ADGB: variants seen among roughly 807,000 people sequenced by gnomAD.
ADGB encodes the protein androglobin, also known as calpain-7-like protein.
ADGB carries 172 observed loss-of-function variants against 210.5 expected under a neutral mutation model. The observed-to-expected ratio is 0.82, with a 90% CI of 0.72 to 0.93. The LOEUF is 0.93. Ranked by LOEUF, ADGB falls within the 40% of genes least tolerant of loss-of-function variation. The pLI is 0.00. For synonymous variants in ADGB, 658 were observed against 662.7 expected (o/e 0.99, Z 0.11); for missense variants, 2,025 against 1,964.8 (o/e 1.03, Z -0.58).
chr6:146,790,077 A>G (rs1222379385), intron 33 of ADGB, among the ~76,000 whole-genome samples: 1 of 152,210 alleles, frequency 6.6e-6, no homozygotes, highest in Non-Finnish European at 1.5e-5. Flanking sequence ...ATAATTATAT[A>G]TATTTATGGG....
chr6:146,811,055 G>T (rs527771419), intron 35 of ADGB, among the ~76,000 whole-genome samples: 124 of 152,210 alleles, frequency 8.1e-4, no homozygotes, highest in African/African-American at 2.8e-3. Context: ...CTGCCCACTT[G>T]TATATGTAAT....
intron 13 of ADGB, among the ~76,000 whole-genome samples, chr6:146,712,184 G>GTT (rs112151598): frequency 0.098 from 14,631 of 149,926 alleles, 1,901 homozygotes; most frequent in African/African-American, 0.3. Context: ...GTTTTGTTTT[G>GTT]TTTTTTTTTG....
Position 146,764,038 on chromosome 6 carries a change from CT to C in ADGB, c.3690del (p.Val1231TrpfsTer42). ...VSAIQDIGLP[L>X]VEEETTSTPT... ...TGCAATACAAGACATTGGTCTACCC[CT>C]TGTGGAGGAGGAAACTACCAGTACA... On this transcript the variant is annotated frameshift_variant, in exon 28 of 36. Transcript: ENST00000397944. LOFTEE classifies it high-confidence loss of function. 6.4e-7 allele frequency: 1 copy of C among 1,551,398 alleles called. No individual in the cohort carries two copies. The highest frequency in any genetic ancestry group is 8.7e-7 in the Non-Finnish European group (1 of 1,146,800).
intron 13 of ADGB, among the ~76,000 whole-genome samples, chr6:146,705,950 G>A (rs781098977): frequency 1.6e-4 from 24 of 152,034 alleles, no homozygotes; most frequent in Non-Finnish European, 2.9e-4. Context: ...AAGATATAGG[G>A]TCTTTCCCTG....
chr6:146,613,029 G>A (rs1780735894), intron 1 of ADGB, among the ~76,000 whole-genome samples: 1 of 152,082 alleles, frequency 6.6e-6, no homozygotes, highest in Admixed American at 6.6e-5. Flanking sequence ...TCTCTTCCGT[G>A]CTAATAAAGT....
In ADGB at chr6:146,635,290, C is replaced by G. The variant is rs12199273; in HGVS notation, c.75-85C>G. The G allele has an allele frequency of 4.9e-3, 6,003 of 1,230,614 alleles. 37 individuals are homozygous for G. Among genetic ancestry groups the G allele is most frequent in the South Asian group, 0.022 (795 of 36,680 alleles). The allele number at this position is 1,230,614 out of a possible 1,614,324, so 76.2% of individuals were successfully genotyped here. A position where few individuals can be genotyped will look rare whatever the true frequency, so the allele number is the denominator to read the frequency against. On this transcript the variant is annotated intron_variant, in intron 1 of 35. Coordinates refer to ENST00000397944, the MANE Select transcript of ADGB (RefSeq NM_024694.4). ...AGTTAGTATGACTCAGCTGAGAAGA[C>G]AAATTTATGTTATGCAGTTAATCCA...
At chr6:146,726,806 G>A (rs1309646739) in intron 19 of ADGB, among the ~76,000 whole-genome samples, 1 of 152,114 alleles carries the variant, frequency 6.6e-6, no homozygotes, top group African/African-American at 2.4e-5. Flanking sequence ...GTTCTTTGGG[G>A]TATAAATATC....
chr6:146,705,818 T>A (rs1319497449), intron 13 of ADGB, among the ~76,000 whole-genome samples: 1 of 152,208 alleles, frequency 6.6e-6, no homozygotes, highest in Non-Finnish European at 1.5e-5. Context: ...ATTCTCTCTT[T>A]GTCAGATTTT....
intron 17 of ADGB, among the ~76,000 whole-genome samples, chr6:146,723,027 A>G (rs1026642545): frequency 6.6e-6 from 1 of 152,198 alleles, no homozygotes; most frequent in African/African-American, 2.4e-5. Flanking sequence ...TTAATACTGA[A>G]TGTTTTGTCA....
chr6:146,689,850 T>G (rs891646024), intron 10 of ADGB, among the ~76,000 whole-genome samples: 1 of 152,140 alleles, frequency 6.6e-6, no homozygotes, highest in Non-Finnish European at 1.5e-5. Flanking sequence ...AAGGTTTAGA[T>G]CTTAGAACAT....
intron 9 of ADGB, among the ~76,000 whole-genome samples, chr6:146,685,268 T>A (rs1776215016): frequency 6.6e-6 from 1 of 151,884 alleles, no homozygotes; most frequent in East Asian, 1.9e-4. Context: ...TACTTCTTCA[T>A]GGAAAAATTC....
In ADGB at chr6:146,724,326, G is replaced by A. The variant is rs1326153909; in HGVS notation, c.2236G>A (p.Gly746Arg). 2 of 1,518,580 alleles carry A rather than the reference G, an allele frequency of 1.3e-6. No homozygotes were observed. Among genetic ancestry groups the A allele is most frequent in the Admixed American group, 4.8e-5 (2 of 41,502 alleles). The allele number at this position is 1,518,580 out of a possible 1,614,324, so 94.1% of individuals were successfully genotyped here. ...TKATVVRLPV[G>R]RHMLLFNAYS... is the part of the protein sequence containing the mutation. ...GGCTACAGTGGTTCGTCTGCCTGTTGGGTATGAAGTGGCTTCATTTTTCCC... is the reference window on the plus strand; with the variant it reads ...GGCTACAGTGGTTCGTCTGCCTGTTAGGTATGAAGTGGCTTCATTTTTCCC... Residue 746 changes from glycine (G) to arginine (R), a missense_variant and splice_region_variant, in exon 18 of 36, where the codon GGG (glycine) becomes AGG (arginine). Gly to Arg is a moderately radical substitution (Grantham distance 125). Transcript: ENST00000397944.
At chr6:146,743,074 C>G (rs1180813967) in intron 25 of ADGB, among the ~76,000 whole-genome samples, 2 of 152,098 alleles carry the variant, frequency 1.3e-5, no homozygotes, top group African/African-American at 4.8e-5. Context: ...CAAATTTGTC[C>G]ACACACCAGT....
chr6:146,754,413 C>A (rs998607387), intron 27 of ADGB, among the ~76,000 whole-genome samples: 1 of 151,650 alleles, frequency 6.6e-6, no homozygotes, highest in African/African-American at 2.4e-5. Flanking sequence ...AACCATTTCT[C>A]TACTTTTAAA....
At position 146,717,633 on chromosome 6, in the gene ADGB, A is replaced by T. The variant is rs183944884; in HGVS notation, c.1992+34A>T. ...GTTAGAATCTTTTCTATTCTCTTTAAATTTTTGGTAGAATTGCACCCGTAG... is the reference window on the plus strand; with the variant it reads ...GTTAGAATCTTTTCTATTCTCTTTATATTTTTGGTAGAATTGCACCCGTAG... On this transcript the variant is annotated intron_variant, in intron 16 of 35. Transcript: ENST00000397944. The T allele has an allele frequency of 1.7e-5, 20 of 1,175,906 alleles. No homozygotes were observed. In the African/African-American group the frequency reaches 1.8e-4, roughly 10 times the overall value. 72.8% of individuals were successfully genotyped at this position (1,175,906 alleles called of 1,614,324 possible).
intron 9 of ADGB, among the ~76,000 whole-genome samples, chr6:146,682,951 A>G (rs1014477655): frequency 1.1e-4 from 17 of 152,042 alleles, no homozygotes; most frequent in African/African-American, 2.9e-4. Flanking sequence ...TTGATCCCCA[A>G]TGCAACCATA....
At chr6:146,799,636 A>G (rs1480630544) in intron 33 of ADGB, among the ~76,000 whole-genome samples, 1 of 149,046 alleles carries the variant, frequency 6.7e-6, no homozygotes, top group Non-Finnish European at 1.5e-5. Context: ...AGGGAGGGAG[A>G]CTGTATTTGT....
At chr6:146,676,170 C>A in intron 8 of ADGB, 143 bp from the exon 9 acceptor site, 1 of 678,076 alleles carries the variant, frequency 1.5e-6, no homozygotes, top group Middle Eastern at 4.3e-4. Flanking sequence ...TAGAGGGGAT[C>A]ATGTTTTGGA....
chr6:146,815,185 A>C lies in ADGB; in HGVS notation c.4972A>C (p.Thr1658Pro). ...AGAAAAGATGACCCCAGCTCCTGAC[A>C]CACAGAAAAAAAAGAAAGGAAAGAA... ...ETEKMTPAPD[T>P]QKKKKGKKK The change falls in exon 36 of 36, where the codon ACA becomes CCA. Residue 1658 changes from threonine (T) to proline (P), a missense_variant. Physicochemically the swap from Thr to Pro is conservative, Grantham distance 38. Coordinates refer to ENST00000397944, the MANE Select transcript of ADGB (RefSeq NM_024694.4). 1 of 1,509,492 alleles carries C rather than the reference A, an allele frequency of 6.6e-7. No homozygotes were observed. 93.5% of individuals were successfully genotyped at this position (1,509,492 alleles called of 1,614,324 possible). A position where few individuals can be genotyped will look rare whatever the true frequency, so the allele number is the denominator to read the frequency against.
Sources: allele counts gnomAD v4.1 joint callset (sites outside exome capture counted in the v4.1 genomes callset), GRCh38; gene constraint gnomAD v4.1.1; transcripts MANE v1.5; gene names NCBI Gene and HGNC (gene_info 2026-07-23, HGNC 2026-07-21).